The following ELF1 variants were observed in gnomAD, a reference collection of about 807,000 sequenced individuals.
ELF1 encodes E74 like ETS transcription factor 1.
In ELF1, 24 loss-of-function variants were observed where a neutral mutation model predicts 59.9. The observed-to-expected ratio is 0.40, with a 90% CI of 0.29 to 0.56. The LOEUF (loss-of-function observed/expected upper bound fraction) is 0.56, where lower values mean the gene tolerates loss of function less well. Ranked by LOEUF, ELF1 falls within the 20% of genes least tolerant of loss-of-function variation. The pLI, the probability that ELF1 is intolerant of heterozygous loss-of-function variation, is 0.44. For synonymous variants in ELF1, 248 were observed against 266.2 expected (o/e 0.93, Z 0.67); for missense variants, 627 against 742.2 (o/e 0.84, Z 1.80).
At chr13:41,004,712 A>ATATT (rs1320468216) in intron 1 of ELF1, among the ~76,000 whole-genome samples, 1 of 152,196 alleles carries the variant, frequency 6.6e-6, no homozygotes. Flanking sequence ...TATTAGCCTA[A>ATATT]TATTTCATAG....
At chr13:41,018,968 C>G (rs75577100) in intron 1 of ELF1, among the ~76,000 whole-genome samples, 12 of 152,278 alleles carry the variant, frequency 7.9e-5, no homozygotes, top group African/African-American at 2.2e-4. Context: ...CAAAAAACCT[C>G]TTTTATTCTT....
chr13:41,040,995 T>C (rs1046149861), intron 1 of ELF1, among the ~76,000 whole-genome samples: 2 of 152,056 alleles, frequency 1.3e-5, no homozygotes, highest in African/African-American at 4.8e-5. Context: ...CTATTTTAGA[T>C]AGAGTGATTG....
At chr13:41,028,522 C>T (rs1170183346) in intron 1 of ELF1, among the ~76,000 whole-genome samples, 1 of 152,128 alleles carries the variant, frequency 6.6e-6, no homozygotes, top group African/African-American at 2.4e-5. Context: ...TACAAGAAGG[C>T]AGTAATCAAT....
chr13:41,060,515 G>T (rs979878110), intron 1 of ELF1, among the ~76,000 whole-genome samples: 2 of 152,154 alleles, frequency 1.3e-5, no homozygotes, highest in African/African-American at 4.8e-5. Context: ...TGAGCCGGAG[G>T]CGGGAGGGAG....
intron 1 of ELF1, among the ~76,000 whole-genome samples, chr13:41,048,297 C>T (rs149009614): frequency 6.6e-6 from 1 of 152,328 alleles, no homozygotes; most frequent in East Asian, 1.9e-4. Flanking sequence ...ACACACTGTC[C>T]GACAAGCCCC....
intron 8 of ELF1, among the ~76,000 whole-genome samples, chr13:40,934,416 C>CTTTTTTTTT (rs10692930): frequency 2.0e-5 from 2 of 102,466 alleles, no homozygotes; most frequent in African/African-American, 3.5e-5. Context: ...TTCATTCCTG[C>CTTTTTTTTT]TTTTTTTTTT....
intron 1 of ELF1, among the ~76,000 whole-genome samples, chr13:41,000,793 C>CTT (rs1874387924): frequency 6.6e-6 from 1 of 152,018 alleles, no homozygotes; most frequent in Non-Finnish European, 1.5e-5. Context: ...AATCCTTAAA[C>CTT]ATCTCTAATA....
upstream of ELF1, among the ~76,000 whole-genome samples, chr13:41,021,510 A>C (rs770951371): frequency 4.6e-5 from 7 of 152,202 alleles, 1 homozygote; most frequent in Non-Finnish European, 1.0e-4. Context: ...TCAAAGAGAA[A>C]AAAAAAGGCA....
At chr13:41,057,399 T>C (rs766883935) in intron 1 of ELF1, among the ~76,000 whole-genome samples, 12 of 151,934 alleles carry the variant, frequency 7.9e-5, no homozygotes, top group African/African-American at 1.7e-4. Context: ...TCTCTTTTTT[T>C]TCCCCCCACC....
rs1314797901 is a variant in ELF1 at position 41,035,171 on chromosome 13, G to T, written c.-229+25667C>A. The stretch of plus-strand genomic sequence containing the variant: ...TACTGCTATGCGCAAAGCACTCTTT[G>T]CATTTTGAGCACTCAAGGATGAATA... On this transcript the variant is annotated intron_variant, in intron 1 of 1. Transcript: ENST00000405737. Among the ~76,000 whole-genome samples, 3 of 152,182 alleles carry T rather than the reference G, an allele frequency of 2.0e-5. No individual in the cohort carries two copies. In the East Asian group the frequency reaches 5.8e-4, roughly 29 times the overall value.
intron 1 of ELF1, among the ~76,000 whole-genome samples, chr13:40,985,361 A>G (rs1873498715): frequency 6.6e-6 from 1 of 152,200 alleles, no homozygotes. Flanking sequence ...GAAGATCTAA[A>G]TCAATGATTC....
chr13:40,991,972 T>C (rs1873877368), intron 1 of ELF1, among the ~76,000 whole-genome samples: 1 of 152,202 alleles, frequency 6.6e-6, no homozygotes, highest in Admixed American at 6.5e-5. Flanking sequence ...TGATTGTATG[T>C]TCTGATGAAT....
chr13:41,008,040 GACTTC>G (rs1031403781), intron 1 of ELF1, among the ~76,000 whole-genome samples: 2 of 152,166 alleles, frequency 1.3e-5, no homozygotes, highest in Non-Finnish European at 2.9e-5. Context: ...TTAAAAAGGC[GACTTC>G]ACTTAAGAAT....
In ELF1 at chr13:40,954,496, G is replaced by A. The variant is rs544638383; in HGVS notation, c.254-3060C>T. Among the ~76,000 whole-genome samples, 886 of 151,162 alleles carry A rather than the reference G, an allele frequency of 5.9e-3. 8 individuals are homozygous for A. Among genetic ancestry groups the A allele is most frequent in the South Asian group, 0.015 (69 of 4,748 alleles). On this transcript the variant is annotated intron_variant, in intron 3 of 8. Coordinates refer to ENST00000239882, the MANE Select transcript of ELF1 (RefSeq NM_172373.4). ...CTTTCCACGGTCTCCCCCTGATGCC[G>A]AGCCAAAGCTGGACTGTACTGCTGC...
chr13:41,052,886 A>G (rs1566201741), intron 1 of ELF1, among the ~76,000 whole-genome samples: 1 of 152,222 alleles, frequency 6.6e-6, no homozygotes, highest in Non-Finnish European at 1.5e-5. Flanking sequence ...CTTCACTTAC[A>G]ATTACACAGC....
chr13:41,029,069 A>G (rs1273832846), intron 1 of ELF1, among the ~76,000 whole-genome samples: 2 of 152,178 alleles, frequency 1.3e-5, no homozygotes, highest in Non-Finnish European at 2.9e-5. Context: ...ACATCATATA[A>G]TTAAATTGTG....
chr13:40,977,722 T>A (rs1446499323), intron 2 of ELF1, among the ~76,000 whole-genome samples: 1 of 152,182 alleles, frequency 6.6e-6, no homozygotes, highest in African/African-American at 2.4e-5. Flanking sequence ...TCATGTAGCT[T>A]AACAAGCTAA....
intron 1 of ELF1, among the ~76,000 whole-genome samples, chr13:41,060,402 C>A (rs1009730192): frequency 6.6e-6 from 1 of 152,148 alleles, no homozygotes; most frequent in Non-Finnish European, 1.5e-5. Flanking sequence ...AACGCAAGGC[C>A]GGAGTTAATC....
chr13:41,049,870 C>A (rs1295851588), intron 1 of ELF1, among the ~76,000 whole-genome samples: 1 of 152,230 alleles, frequency 6.6e-6, no homozygotes, highest in African/African-American at 2.4e-5. Flanking sequence ...TCATGAGGAT[C>A]TTGTCAGCTT....
Sources: allele counts gnomAD v4.1 joint callset (sites outside exome capture counted in the v4.1 genomes callset), GRCh38; gene constraint gnomAD v4.1.1; transcripts MANE v1.5; gene names NCBI Gene and HGNC (gene_info 2026-07-23, HGNC 2026-07-21).